The following RCSD1 variants were observed in gnomAD, a reference collection of about 807,000 sequenced individuals.
The protein encoded by RCSD1 is capZ-interacting protein.
Under a neutral mutation model 42.5 loss-of-function variants are expected in RCSD1, and 26 were observed. The observed-to-expected ratio is 0.61, with a 90% CI of 0.45 to 0.85. The LOEUF is 0.85. Among genes scored for constraint, RCSD1 ranks in the 40% least tolerant of loss-of-function variants. The pLI is 0.00. For synonymous variants in RCSD1, 220 were observed against 212.2 expected (o/e 1.04, Z -0.32); for missense variants, 571 against 528.3 (o/e 1.08, Z -0.79).
intron 6 of RCSD1, 32 bp from the exon 7 acceptor site, chr1:167,704,632 T>A: frequency 6.2e-7 from 1 of 1,603,116 alleles, no homozygotes; most frequent in South Asian, 1.1e-5. Flanking sequence ...CTCACCATTT[T>A]CCTAATTAAT....
intron 1 of RCSD1, among the ~76,000 whole-genome samples, chr1:167,644,250 C>A (rs1210652690): frequency 2.0e-5 from 3 of 152,100 alleles, no homozygotes; most frequent in Non-Finnish European, 4.4e-5. Context: ...GAGGCCGAGG[C>A]AGGCCGATCA....
intron 1 of RCSD1, among the ~76,000 whole-genome samples, chr1:167,659,505 A>G (rs982504299): frequency 6.6e-5 from 10 of 152,150 alleles, no homozygotes; most frequent in Non-Finnish European, 8.8e-5. Context: ...CACACTCTAC[A>G]CTCTGCCACT....
At chr1:167,696,077 G>A (rs1480827746) in intron 5 of RCSD1, among the ~76,000 whole-genome samples, 2 of 152,018 alleles carry the variant, frequency 1.3e-5, no homozygotes, top group East Asian at 1.9e-4. Context: ...CCAACTTCAC[G>A]GGGGCAGGAA....
chr1:167,687,460 T>G (rs1659263911), intron 3 of RCSD1, among the ~76,000 whole-genome samples: 1 of 151,574 alleles, frequency 6.6e-6, no homozygotes, highest in African/African-American at 2.4e-5. Context: ...GAGGCGGAGC[T>G]TGCAGTGAGC....
At chr1:167,691,219 A>G (rs1659369043) in intron 4 of RCSD1, among the ~76,000 whole-genome samples, 1 of 152,206 alleles carries the variant, frequency 6.6e-6, no homozygotes, top group African/African-American at 2.4e-5. Context: ...ACAATGAAAA[A>G]TGTCTCTAGA....
At chr1:167,698,768 C>CTTTGTTTG (rs546539767) in intron 6 of RCSD1, among the ~76,000 whole-genome samples, 1 of 151,646 alleles carries the variant, frequency 6.6e-6, no homozygotes, top group Non-Finnish European at 1.5e-5. Flanking sequence ...ACAGTAGCCT[C>CTTTGTTTG]TTTGTTTGTT....
chr1:167,702,462 C>G (rs1435419466), intron 6 of RCSD1, among the ~76,000 whole-genome samples: 1 of 152,202 alleles, frequency 6.6e-6, no homozygotes, highest in East Asian at 1.9e-4. Context: ...GAATCAGATA[C>G]AACTCTAATA....
intron 1 of RCSD1, among the ~76,000 whole-genome samples, chr1:167,656,715 G>T (rs1189465871): frequency 2.0e-5 from 3 of 152,192 alleles, no homozygotes; most frequent in African/African-American, 7.2e-5. Context: ...ACCATCTAAA[G>T]GCACTGGAGT....
rs766683574 is a variant in RCSD1 at position 167,690,010 on chromosome 1, CCTTA to C, written c.199-34_199-31del. On this transcript the variant is annotated intron_variant, in intron 3 of 6. Coordinates refer to ENST00000367854, the MANE Select transcript of RCSD1 (RefSeq NM_052862.4). ...TCCAACCAGAACCCCACTTTCCTCA[CCTTA>C]CTTATCTGGTTGTTTTGGTTGATTT... The C allele has an allele frequency of 6.2e-6, 10 of 1,604,568 alleles. No homozygotes were observed. In the African/African-American group the frequency reaches 1.3e-4, roughly 21 times the overall value.
rs1015727771 is a variant in RCSD1 at position 167,707,948 on chromosome 1, G to C, written c.*3252G>C. ...TGGCCTCTAGTGATCTGCCTGCCTC[G>C]GTCTCCCAAAGTGGGATTACAGGCA... On this transcript the variant is annotated 3_prime_UTR_variant, in exon 7 of 7. Transcript: ENST00000367854. 6.6e-6 allele frequency among the ~76,000 whole-genome samples: 1 copy of C among 152,072 alleles called. No individual in the cohort carries two copies. Among genetic ancestry groups the C allele is most frequent in the Non-Finnish European group, 1.5e-5 (1 of 68,012 alleles).
intron 1 of RCSD1, among the ~76,000 whole-genome samples, chr1:167,655,375 CTCTTTT>C (rs1658401747): frequency 1.3e-5 from 2 of 152,110 alleles, no homozygotes; most frequent in Non-Finnish European, 2.9e-5. Context: ...TTTTTCTCTC[CTCTTTT>C]ATTTTTTAGG....
intron 1 of RCSD1, among the ~76,000 whole-genome samples, chr1:167,661,204 G>T (rs1358495523): frequency 6.6e-6 from 1 of 152,194 alleles, no homozygotes; most frequent in Admixed American, 6.5e-5. Flanking sequence ...CTATGTAGTA[G>T]ATATCATCCC....
chr1:167,639,596 G>A (rs1403007021), intron 1 of RCSD1, among the ~76,000 whole-genome samples: 5 of 152,026 alleles, frequency 3.3e-5, no homozygotes, highest in South Asian at 2.1e-4. Flanking sequence ...TGGTTCAAAC[G>A]ATTCTCCTGC....
intron 1 of RCSD1, chr1:167,633,674 A>G (rs960986958): frequency 6.6e-6 from 1 of 152,222 alleles, no homozygotes. Flanking sequence ...CTTGAAGGCC[A>G]GAGTTGTATG....
At chr1:167,644,968 G>C (rs1270730602) in intron 1 of RCSD1, among the ~76,000 whole-genome samples, 1 of 152,214 alleles carries the variant, frequency 6.6e-6, no homozygotes, top group African/African-American at 2.4e-5. Context: ...ATTCAGTGCA[G>C]GTTGAACTAC....
intron 6 of RCSD1, among the ~76,000 whole-genome samples, chr1:167,698,772 G>T (rs56812491): frequency 0.24 from 36,608 of 151,010 alleles, 7,639 homozygotes; most frequent in African/African-American, 0.57. Flanking sequence ...TAGCCTCTTT[G>T]TTTGTTTGTT....
At chr1:167,693,284 G>T (rs944741505) in intron 4 of RCSD1, among the ~76,000 whole-genome samples, 1 of 152,186 alleles carries the variant, frequency 6.6e-6, no homozygotes. Context: ...CCTTAAAGAG[G>T]ATCGGACTCT....
chr1:167,632,670 C>T (rs1299147352), intron 1 of RCSD1, among the ~76,000 whole-genome samples: 1 of 152,086 alleles, frequency 6.6e-6, no homozygotes, highest in East Asian at 1.9e-4. Context: ...AGAAGCCTGA[C>T]AAATCACCCT....
At chr1:167,652,313 C>T (rs1232776971) in intron 1 of RCSD1, among the ~76,000 whole-genome samples, 4 of 152,186 alleles carry the variant, frequency 2.6e-5, no homozygotes, top group South Asian at 4.1e-4. Context: ...TGAGCCACCA[C>T]GCTTGGCCTC....
Sources: allele counts gnomAD v4.1 joint callset (sites outside exome capture counted in the v4.1 genomes callset), GRCh38; gene constraint gnomAD v4.1.1; transcripts MANE v1.5; gene names NCBI Gene and HGNC (gene_info 2026-07-23, HGNC 2026-07-21).